ANK2: variants seen among roughly 807,000 people sequenced by gnomAD.
ANK2 encodes the protein ankyrin 2.
Under a neutral mutation model 360.5 loss-of-function variants are expected in ANK2, and 83 were observed. That is an observed-to-expected ratio of 0.23 (90% confidence interval 0.19 to 0.28). The LOEUF (loss-of-function observed/expected upper bound fraction) is 0.28. Among genes scored for constraint, ANK2 ranks in the 10% least tolerant of loss-of-function variants. The pLI, the probability that ANK2 is intolerant of heterozygous loss-of-function variation, is 1.00. For missense variants in ANK2, 4,201 were observed against 4,795.7 expected (o/e 0.88, Z 3.66); for synonymous variants, 1,740 against 1,759.5 (o/e 0.99, Z 0.28).
At chr4:113,030,097 G>T (rs1021295846) in intron 2 of ANK2, among the ~76,000 whole-genome samples, 9 of 151,942 alleles carry the variant, frequency 5.9e-5, no homozygotes, top group African/African-American at 1.7e-4. Flanking sequence ...CCATGAAAGG[G>T]CAACAAAATA....
In ANK2 at chr4:113,358,147, G is replaced by C. The variant is rs1404545085; in HGVS notation, c.9529G>C (p.Asp3177His). The stretch of plus-strand genomic sequence containing the variant: ...TTCAGAATCAAAAGAAACAGTGGAT[G>C]ATGAGGCAGACTTACTTCCAGATGA... Reference protein sequence around the residue: ...ALSESKETVDDEADLLPDDVS... With the variant: ...ALSESKETVDHEADLLPDDVS... Residue 3177 changes from aspartate to histidine, a missense_variant, in exon 38 of 46, where the codon GAT (aspartate) becomes CAT (histidine). Coordinates refer to ENST00000357077, the MANE Select transcript of ANK2 (RefSeq NM_001148.6). 13 of 1,613,984 alleles carry C rather than the reference G, an allele frequency of 8.1e-6. No homozygotes were observed. The highest frequency in any genetic ancestry group is 1.1e-5 in the Non-Finnish European group (13 of 1,179,972).
At chr4:113,038,134 T>C (rs886585330) in intron 2 of ANK2, among the ~76,000 whole-genome samples, 5 of 151,904 alleles carry the variant, frequency 3.3e-5, no homozygotes, top group Admixed American at 2.0e-4. Context: ...TACGAGGTCA[T>C]ATAGATGTTA....
At chr4:112,999,078 C>T (rs556040656) in intron 2 of ANK2, among the ~76,000 whole-genome samples, 1 of 152,178 alleles carries the variant, frequency 6.6e-6, no homozygotes, top group Non-Finnish European at 1.5e-5. Context: ...ATACATTATA[C>T]AAAATGCTAT....
chr4:113,125,565 C>T (rs2095616196), intron 1 of ANK2, among the ~76,000 whole-genome samples: 1 of 152,074 alleles, frequency 6.6e-6, no homozygotes, highest in Non-Finnish European at 1.5e-5. Context: ...TCACTACAAC[C>T]TTGGGTAAAC....
intron 2 of ANK2, among the ~76,000 whole-genome samples, chr4:112,966,095 C>G (rs1329690849): frequency 6.6e-6 from 1 of 151,648 alleles, no homozygotes; most frequent in Non-Finnish European, 1.5e-5. Context: ...AATCTATAAA[C>G]ATCTTCAATT....
chr4:112,901,796 C>G (rs890179665), intron 1 of ANK2, among the ~76,000 whole-genome samples: 36 of 150,686 alleles, frequency 2.4e-4, no homozygotes, highest in African/African-American at 8.3e-4. Context: ...ACCCAGGAGG[C>G]AGAGGTTGCA....
chr4:112,979,884 A>G (rs1273933671), intron 2 of ANK2: 1 of 152,076 alleles, frequency 6.6e-6, no homozygotes, highest in Non-Finnish European at 1.5e-5. Flanking sequence ...CGGAAAAAGC[A>G]TGATAAGTTC....
chr4:113,094,408 C>A (rs1458944249), intron 1 of ANK2, among the ~76,000 whole-genome samples: 1 of 152,214 alleles, frequency 6.6e-6, no homozygotes, highest in South Asian at 2.1e-4. Flanking sequence ...TTCTTAAATA[C>A]AAATTTTGAT....
chr4:112,729,009 T>G, the ANK2 span, among the ~76,000 whole-genome samples: 1 of 151,920 alleles, frequency 6.6e-6, no homozygotes, highest in Non-Finnish European at 1.5e-5. Context: ...GAGTTGGAGA[T>G]CAACCTGGGC....
At position 113,282,615 on chromosome 4, in the gene ANK2, G is replaced by A. The variant is rs187439400; in HGVS notation, c.1882-60G>A. ...AGATTTTTATTTCCTTTAGAGATAC[G>A]TATTAGAGCAATTGTTAATCTTACT... On this transcript the variant is annotated intron_variant, in intron 17 of 45. Coordinates refer to ENST00000357077, the MANE Select transcript of ANK2 (RefSeq NM_001148.6). 57 of 1,402,370 alleles carry A rather than the reference G, an allele frequency of 4.1e-5. No individual in the cohort carries two copies. In the African/African-American group the frequency reaches 4.7e-4, roughly 12 times the overall value. The allele number at this position is 1,402,370 out of a possible 1,614,324, so 86.9% of individuals were successfully genotyped here.
chr4:113,279,451 A>G (rs147212099), intron 17 of ANK2, among the ~76,000 whole-genome samples: 27 of 152,014 alleles, frequency 1.8e-4, no homozygotes, highest in Non-Finnish European at 3.5e-4. Context: ...TAATTTTCCA[A>G]AGTCATATGA....
At position 112,881,661 on chromosome 4, in the gene ANK2, A is replaced by G. The variant is rs2076722075; in HGVS notation, c.-39-22794A>G. ...GAATGCTTTACACTTTCCACAGAAC[A>G]GAAGCTAAAATACAATTAGTCACAA... On this transcript the variant is annotated intron_variant, in intron 1 of 30. Transcript: ENST00000503271. 1.7e-5 allele frequency: 8 copies of G among 457,804 alleles called. No individual in the cohort carries two copies. The South Asian group carries it at 2.5e-4, about 14-fold the overall frequency. The allele number at this position is 457,804 out of a possible 1,614,324, so 28.4% of individuals were successfully genotyped here.
Position 113,354,835 on chromosome 4 carries a change from A to G in ANK2, c.6217A>G (p.Ile2073Val), listed in dbSNP as rs749398563. Reference sequence around the variant, plus strand: ...CAAAAGAGGAGTTCGTGTTTCCTCCATAGGAGTTAAGAAAGAAGATGCAGC... The same window carrying G: ...CAAAAGAGGAGTTCGTGTTTCCTCCGTAGGAGTTAAGAAAGAAGATGCAGC... ...ESKRGVRVSS[I>V]GVKKEDAAGG... The change falls in exon 38 of 46, where the codon ATA (isoleucine) becomes GTA (valine). Residue 2073 changes from isoleucine to valine, a missense_variant. Physicochemically the swap from Ile to Val is conservative, Grantham distance 29. Around this residue, in one of 4 missense-constraint regions of ANK2, gnomAD observed 2,642 missense variants for 2,714.5 expected, o/e 0.97. Coordinates refer to ENST00000357077, the MANE Select transcript of ANK2 (RefSeq NM_001148.6). 1.9e-5 allele frequency: 31 copies of G among 1,614,040 alleles called. 1 individual carries two copies. Among genetic ancestry groups the G allele is most frequent in the South Asian group, 1.9e-4 (17 of 91,086 alleles).
At chr4:112,710,903 T>TTATATATA in the ANK2 span, among the ~76,000 whole-genome samples, 1,922 of 141,232 alleles carry the variant, frequency 0.014, 47 homozygotes, top group African/African-American at 0.046. Context: ...TGAACAGGTT[T>TTATATATA]TATATATATA....
chr4:113,312,286 A>T (rs1291060184), intron 24 of ANK2, among the ~76,000 whole-genome samples: 1 of 151,734 alleles, frequency 6.6e-6, no homozygotes, highest in Admixed American at 6.6e-5. Flanking sequence ...ACAGAAAAAA[A>T]AAAAAAGAAA....
intron 37 of ANK2, among the ~76,000 whole-genome samples, chr4:113,351,585 T>A (rs1347417188): frequency 6.6e-6 from 1 of 152,196 alleles, no homozygotes; most frequent in African/African-American, 2.4e-5. Context: ...ATTCCTTTTT[T>A]TAAGTGATTT....
upstream of ANK2, among the ~76,000 whole-genome samples, chr4:113,047,840 A>T (rs3822282): frequency 0.36 from 55,208 of 151,688 alleles, 12,354 homozygotes; most frequent in Non-Finnish European, 0.49. Flanking sequence ...CCAGATGATG[A>T]CGTGGAGGGG....
intron 13 of ANK2, among the ~76,000 whole-genome samples, chr4:113,261,177 G>T (rs29417): frequency 6.6e-6 from 1 of 152,002 alleles, no homozygotes; most frequent in Non-Finnish European, 1.5e-5. Flanking sequence ...ACTCAATCAC[G>T]TATAGACATT....
At chr4:113,290,058 T>C (rs941066579) in intron 20 of ANK2, among the ~76,000 whole-genome samples, 4 of 152,336 alleles carry the variant, frequency 2.6e-5, no homozygotes, top group Admixed American at 6.5e-5. Flanking sequence ...TAATATTTAG[T>C]AGGCAAACAC....
Sources: allele counts gnomAD v4.1 joint callset (sites outside exome capture counted in the v4.1 genomes callset), GRCh38; gene constraint gnomAD v4.1.1; regional missense constraint gnomAD v4.1.1; transcripts MANE v1.5; gene names NCBI Gene and HGNC (gene_info 2026-07-23, HGNC 2026-07-21).